Variants in ILKAP observed in about 807,000 individuals in gnomAD.
The protein encoded by ILKAP is integrin-linked kinase-associated serine/threonine phosphatase 2C.
Under a neutral mutation model 49.1 loss-of-function variants are expected in ILKAP, and 11 were observed. That is an observed-to-expected ratio of 0.22 (90% CI 0.14 to 0.37). The LOEUF is 0.37. ILKAP is among the 10% of genes least tolerant of loss of function. ILKAP has a pLI of 1.00. For synonymous variants in ILKAP, 186 were observed against 192.8 expected (o/e 0.96, Z 0.29); for missense variants, 363 against 510.8 (o/e 0.71, Z 2.79).
At chr2:238,190,314 T>C (rs1302630240) in intron 3 of ILKAP, among the ~76,000 whole-genome samples, 1 of 152,172 alleles carries the variant, frequency 6.6e-6, no homozygotes, top group Non-Finnish European at 1.5e-5. Context: ...AACAAACACT[T>C]ACAAAATCTG....
chr2:238,191,726 G>T (rs891083534), intron 3 of ILKAP, among the ~76,000 whole-genome samples: 1 of 151,960 alleles, frequency 6.6e-6, no homozygotes, highest in African/African-American at 2.4e-5. Flanking sequence ...TGACCAACAT[G>T]GCGAAACCCG....
At chr2:238,202,008 T>G (rs1694589627) in intron 1 of ILKAP, among the ~76,000 whole-genome samples, 2 of 152,248 alleles carry the variant, frequency 1.3e-5, no homozygotes, top group South Asian at 2.1e-4. Context: ...GCGGATCACC[T>G]GAGGTCAGGA....
At chr2:238,181,662 G>A (rs866065801) in intron 9 of ILKAP, among the ~76,000 whole-genome samples, 1 of 138,532 alleles carries the variant, frequency 7.2e-6, no homozygotes, top group Non-Finnish European at 1.5e-5. Context: ...TCGCTCTGTT[G>A]CCCAGGCTGG....
At chr2:238,185,332 C>A (rs1442339297) in intron 5 of ILKAP, 45 bp from the exon 6 acceptor site, 30 of 1,206,116 alleles carry the variant, frequency 2.5e-5, no homozygotes, top group Non-Finnish European at 3.4e-5. Flanking sequence ...ACAGCAAAAA[C>A]CACACTTTTC....
In ILKAP at chr2:238,177,535, G is replaced by A. The variant is rs182383778; in HGVS notation, c.837-3882C>T. On this transcript the variant is annotated intron_variant, in intron 9 of 11. Coordinates refer to ENST00000254654, the MANE Select transcript of ILKAP (RefSeq NM_030768.3). ...CCCAATAACCACCATTCTACTTTCT[G>A]TGAACTTGACTGGTACCTCCTATGA... is the stretch of plus-strand genomic sequence containing the variant. Among the ~76,000 whole-genome samples, 7 of 152,146 alleles carry A rather than the reference G, an allele frequency of 4.6e-5. No individual in the cohort carries two copies. In the East Asian group the frequency reaches 1.4e-3, roughly 29 times the overall value.
At position 238,203,642 on chromosome 2, in the gene ILKAP, C is replaced by CGGGCGGGCGACGGGCAG. The variant is rs1296129243; in HGVS notation, c.-106_-90dup. 12 of 817,078 alleles carry CGGGCGGGCGACGGGCAG rather than the reference C, an allele frequency of 1.5e-5. No homozygotes were observed. Among genetic ancestry groups the CGGGCGGGCGACGGGCAG allele is most frequent in the Non-Finnish European group, 1.9e-5 (12 of 641,280 alleles). The allele number at this position is 817,078 out of a possible 1,614,324, so 50.6% of individuals were successfully genotyped here. A position where few individuals can be genotyped will look rare whatever the true frequency, so the allele number is the denominator to read the frequency against. On this transcript the variant is annotated 5_prime_UTR_variant, in exon 1 of 12. Coordinates refer to ENST00000254654, the MANE Select transcript of ILKAP (RefSeq NM_030768.3). Reference sequence around the variant, plus strand: ...CCACACCCCGGGCGGGCGGCAGCAGCGGGCGGGCGACGGGCAGGGGCGGCC... The same window carrying CGGGCGGGCGACGGGCAG: ...CCACACCCCGGGCGGGCGGCAGCAGCGGGCGGGCGACGGGCAGGGGCGGGCGACGGGCAGGGGCGGCC...
chr2:238,180,134 G>A (rs952546281), intron 9 of ILKAP, among the ~76,000 whole-genome samples: 1 of 151,132 alleles, frequency 6.6e-6, no homozygotes, highest in African/African-American at 2.4e-5. Context: ...TCGTGCCACT[G>A]CACTCCAGGC....
Position 238,189,960 on chromosome 2 carries a change from G to A in ILKAP, c.191C>T (p.Thr64Ile). Reference protein sequence around the residue: ...ASSGDSGSLATSISQMVKTEG... With the variant: ...ASSGDSGSLAISISQMVKTEG... ...AGTCTTTACCATCTGGGATATTGAT[G>A]TGGCAAGAGAACCTGGAAATAAAGT... Residue 64 changes from threonine to isoleucine, a missense_variant, in exon 4 of 12, where the codon ACA (threonine) becomes ATA (isoleucine). Thr to Ile is a moderately conservative substitution (Grantham distance 89). Around this residue, in one of 3 missense-constraint regions of ILKAP, gnomAD observed 114 missense variants for 116.0 expected, o/e 0.98. Coordinates refer to ENST00000254654, the MANE Select transcript of ILKAP (RefSeq NM_030768.3). The A allele has an allele frequency of 6.2e-7, 1 of 1,613,836 alleles. No homozygotes were observed. The highest frequency in any genetic ancestry group is 1.1e-5 in the South Asian group (1 of 91,040).
At chr2:238,196,597 C>T (rs1284138956) in intron 1 of ILKAP, among the ~76,000 whole-genome samples, 2 of 152,156 alleles carry the variant, frequency 1.3e-5, no homozygotes, top group African/African-American at 4.8e-5. Flanking sequence ...TTTTTGCCTC[C>T]ATTTAGAAAT....
intron 4 of ILKAP, 88 bp from the exon 5 acceptor site, chr2:238,188,345 G>C (rs777058767): frequency 2.2e-5 from 33 of 1,467,762 alleles, no homozygotes; most frequent in Non-Finnish European, 2.9e-5. Flanking sequence ...AGGGAACTAT[G>C]ACTGTCTGAC....
At chr2:238,191,422 C>T (rs181634906) in intron 3 of ILKAP, among the ~76,000 whole-genome samples, 93 of 152,298 alleles carry the variant, frequency 6.1e-4, no homozygotes, top group Non-Finnish European at 1.2e-3. Flanking sequence ...TTCCTGCCCT[C>T]AAGAAGCGTA....
chr2:238,178,804 T>A (rs1693575938), intron 9 of ILKAP, among the ~76,000 whole-genome samples: 1 of 152,190 alleles, frequency 6.6e-6, no homozygotes, highest in Non-Finnish European at 1.5e-5. Flanking sequence ...ATTATTATTT[T>A]TTTTTAAGCA....
At chr2:238,190,140 A>AG (rs1282124452) in intron 3 of ILKAP, among the ~76,000 whole-genome samples, 168 bp from the exon 4 acceptor site, 9 of 150,182 alleles carry the variant, frequency 6.0e-5, no homozygotes, top group African/African-American at 1.5e-4. Context: ...GGGGAGGGGG[A>AG]GGGGGGTCCC....
chr2:238,171,158 T>TTA, intron 10 of ILKAP, 134 bp from the exon 11 acceptor site: 6 of 612,888 alleles, frequency 9.8e-6, no homozygotes, highest in East Asian at 3.1e-5. Flanking sequence ...TTTTTCTTTT[T>TTA]TCTTTTTTTT....
At chr2:238,173,734 G>C in intron 9 of ILKAP, 81 bp from the exon 10 acceptor site, 2 of 1,445,934 alleles carry the variant, frequency 1.4e-6, no homozygotes, top group Non-Finnish European at 1.9e-6. Flanking sequence ...CTTAAAAGCA[G>C]AGAATGGAAG....
intron 1 of ILKAP, among the ~76,000 whole-genome samples, chr2:238,199,510 G>C (rs1208274583): frequency 1.3e-5 from 2 of 152,130 alleles, no homozygotes; most frequent in Non-Finnish European, 2.9e-5. Flanking sequence ...CCTTACCTCT[G>C]AACTGGGAGG....
rs1028832920 is a variant in ILKAP at position 238,197,277 on chromosome 2, G to T, written c.56-2407C>A. ...AAGAATTCCTAATATCCCGAAGTAG[G>T]TCACTTTTGCCCAAACATTGGGTCT... On this transcript the variant is annotated intron_variant, in intron 1 of 11. Transcript: ENST00000254654. 5.3e-5 allele frequency among the ~76,000 whole-genome samples: 8 copies of T among 152,166 alleles called. No individual in the cohort carries two copies. The East Asian group carries it at 1.5e-3, about 29-fold the overall frequency.
chr2:238,203,430 C>G, intron 1 of ILKAP, 69 bp downstream of exon 1: 1 of 851,298 alleles, frequency 1.2e-6, no homozygotes, highest in Non-Finnish European at 1.5e-6. Flanking sequence ...TCAGCCGCCC[C>G]GGGCCTCAGG....
At chr2:238,188,687 T>C (rs935137881) in intron 4 of ILKAP, 4 of 154,678 alleles carry the variant, frequency 2.6e-5, no homozygotes, top group African/African-American at 7.2e-5. Context: ...CCTGAAAATA[T>C]GTATTTCCAT....
Sources: allele counts gnomAD v4.1 joint callset (sites outside exome capture counted in the v4.1 genomes callset), GRCh38; gene constraint gnomAD v4.1.1; regional missense constraint gnomAD v4.1.1; transcripts MANE v1.5; gene names NCBI Gene and HGNC (gene_info 2026-07-23, HGNC 2026-07-21).